ASIC2: variants seen among roughly 807,000 people sequenced by gnomAD.
ASIC2 encodes acid-sensing ion channel 2.
Under a neutral mutation model 57.3 loss-of-function variants are expected in ASIC2, and 25 were observed. That is an observed-to-expected ratio of 0.44 (90% confidence interval 0.32 to 0.61). ASIC2 has a LOEUF of 0.61. ASIC2 is among the 20% of genes least tolerant of loss of function. The probability of loss-of-function intolerance (pLI) is 0.06; values close to 1 mark genes in which losing one functional copy is unlikely to be tolerated. For synonymous variants in ASIC2, 319 were observed against 307.5 expected, an observed-to-expected ratio of 1.04 and a Z score of -0.39; for missense variants, 641 against 738.1, an observed-to-expected ratio of 0.87 and a Z score of 1.52.
intron 1 of ASIC2, among the ~76,000 whole-genome samples, chr17:33,507,080 G>A (rs767909911): frequency 2.6e-5 from 4 of 152,130 alleles, no homozygotes; most frequent in Non-Finnish European, 5.9e-5. Context: ...CAAGCTGCTC[G>A]GCACATCCTC....
chr17:33,349,892 G>A (rs747442886), intron 1 of ASIC2, among the ~76,000 whole-genome samples: 23 of 151,294 alleles, frequency 1.5e-4, no homozygotes, highest in Non-Finnish European at 2.6e-4. Flanking sequence ...AGTGGTAGTC[G>A]GCACTCAAAA....
At chr17:34,068,250 G>A (rs949651853) in intron 1 of ASIC2, among the ~76,000 whole-genome samples, 1 of 152,162 alleles carries the variant, frequency 6.6e-6, no homozygotes, top group African/African-American at 2.4e-5. Flanking sequence ...AAAAGGACAG[G>A]GAAGGAAGGG....
chr17:33,397,034 A>C lies in ASIC2; in HGVS notation c.556-284967T>G, dbSNP rs1322135535. Among the ~76,000 whole-genome samples the C allele has an allele frequency of 2.0e-5, 3 of 152,362 alleles. No homozygotes were observed. In the East Asian group the frequency reaches 5.8e-4, roughly 29 times the overall value. On this transcript the variant is annotated intron_variant, in intron 1 of 9. Transcript: ENST00000359872. ...CAAATGTCATCAAACACTAGAACTT[A>C]CAACATATTCCGAGTCATCCCTCTG... is the stretch of plus-strand genomic sequence containing the variant.
intron 1 of ASIC2, among the ~76,000 whole-genome samples, chr17:33,666,307 G>T (rs1266039505): frequency 6.6e-6 from 1 of 152,166 alleles, no homozygotes; most frequent in Admixed American, 6.5e-5. Context: ...AAAAGGAAAC[G>T]TTAAAACAAA....
At chr17:33,372,668 T>G (rs886325350) in intron 1 of ASIC2, among the ~76,000 whole-genome samples, 1 of 152,126 alleles carries the variant, frequency 6.6e-6, no homozygotes, top group Non-Finnish European at 1.5e-5. Context: ...GCTCTCTTCC[T>G]GAGTCCCCAG....
chr17:33,822,388 G>T (rs1020261035), intron 1 of ASIC2, among the ~76,000 whole-genome samples: 3 of 152,176 alleles, frequency 2.0e-5, no homozygotes, highest in Non-Finnish European at 4.4e-5. Context: ...GGGAAGGTGT[G>T]GCTGGTGGGT....
chr17:33,460,538 G>A (rs1348193443), intron 1 of ASIC2, among the ~76,000 whole-genome samples: 1 of 152,192 alleles, frequency 6.6e-6, no homozygotes, highest in African/African-American at 2.4e-5. Flanking sequence ...TCTCTGGGTT[G>A]CAAAGGGAAG....
intron 1 of ASIC2, among the ~76,000 whole-genome samples, chr17:33,226,593 G>C (rs531907466): frequency 6.6e-6 from 1 of 152,120 alleles, no homozygotes; most frequent in African/African-American, 2.4e-5. Flanking sequence ...AAACCTTGGC[G>C]CAATTATATA....
intron 1 of ASIC2, among the ~76,000 whole-genome samples, chr17:33,559,486 C>G (rs1186458882): frequency 6.6e-6 from 1 of 152,016 alleles, no homozygotes; most frequent in Admixed American, 6.6e-5. Context: ...TCATAATTTT[C>G]TTTTTTTTCA....
At chr17:33,418,461 G>T (rs1307613124) in intron 1 of ASIC2, among the ~76,000 whole-genome samples, 1 of 152,160 alleles carries the variant, frequency 6.6e-6, no homozygotes, top group Non-Finnish European at 1.5e-5. Context: ...TGTGCTGAAT[G>T]GTATTGCCTA....
At chr17:33,237,243 G>A (rs528276598) in intron 1 of ASIC2, among the ~76,000 whole-genome samples, 115 of 152,308 alleles carry the variant, frequency 7.6e-4, no homozygotes, top group Admixed American at 3.1e-3. Context: ...CAGAATGAGT[G>A]CCATCTAGGG....
At chr17:34,127,743 G>A (rs544545028) in intron 1 of ASIC2, among the ~76,000 whole-genome samples, 1 of 152,278 alleles carries the variant, frequency 6.6e-6, no homozygotes, top group African/African-American at 2.4e-5. Context: ...CCCTCCACAA[G>A]AAGGGAGGGC....
In ASIC2 at chr17:33,875,331, G is replaced by T. The variant is rs548649060; in HGVS notation, c.555+280647C>A. On this transcript the variant is annotated intron_variant, in intron 1 of 9. Coordinates refer to the ASIC2 transcript ENST00000359872. ...AGCAGAGTTTTCCAGAATACTGCTG[G>T]CCAATTTCACCCAGATCGCCATCCC... is the stretch of plus-strand genomic sequence containing the variant. 6.6e-5 allele frequency among the ~76,000 whole-genome samples: 10 copies of T among 152,260 alleles called. No homozygotes were observed. The South Asian group carries it at 1.2e-3, about 19-fold the overall frequency.
chr17:34,019,074 ATTTTTTGTAT>A (rs946972281), intron 1 of ASIC2, among the ~76,000 whole-genome samples: 6 of 151,814 alleles, frequency 4.0e-5, no homozygotes, highest in Non-Finnish European at 7.4e-5. Context: ...CGCCTGGCTA[ATTTTTTGTAT>A]TTTTTAGTAG....
At chr17:33,139,221 G>A (rs1695041828) in intron 1 of ASIC2, among the ~76,000 whole-genome samples, 1 of 152,080 alleles carries the variant, frequency 6.6e-6, no homozygotes, top group Non-Finnish European at 1.5e-5. Context: ...TTTATATGCT[G>A]GGGACAGACT....
At chr17:33,792,347 C>T (rs1158466890) in intron 1 of ASIC2, 1 of 152,200 alleles carries the variant, frequency 6.6e-6, no homozygotes, top group African/African-American at 2.4e-5. Context: ...TCCCCCATTC[C>T]CTCCACTCCC....
intron 1 of ASIC2, among the ~76,000 whole-genome samples, chr17:34,017,261 G>T (rs1195700037): frequency 6.6e-6 from 1 of 152,172 alleles, no homozygotes; most frequent in Non-Finnish European, 1.5e-5. Flanking sequence ...TGATGTAATT[G>T]TTTGGGGGCA....
chr17:33,031,602 G>A (rs2091883976), intron 3 of ASIC2, among the ~76,000 whole-genome samples: 1 of 152,140 alleles, frequency 6.6e-6, no homozygotes, highest in Non-Finnish European at 1.5e-5. Flanking sequence ...TTTACAAAAG[G>A]CAATTAGGTT....
At chr17:33,220,094 C>T (rs1292054662) in intron 1 of ASIC2, among the ~76,000 whole-genome samples, 1 of 152,198 alleles carries the variant, frequency 6.6e-6, no homozygotes, top group Non-Finnish European at 1.5e-5. Context: ...GCTAATGTCT[C>T]ATATGGCACT....
Sources: allele counts gnomAD v4.1 joint callset (sites outside exome capture counted in the v4.1 genomes callset), GRCh38; gene constraint gnomAD v4.1.1; transcripts MANE v1.5; gene names NCBI Gene and HGNC (gene_info 2026-07-23, HGNC 2026-07-21).